PCCA: variants seen among roughly 807,000 people sequenced by gnomAD.
The protein encoded by PCCA is propionyl-CoA carboxylase alpha chain, mitochondrial.
Under a neutral mutation model 101.3 loss-of-function variants are expected in PCCA, and 74 were observed. The ratio of observed to expected loss-of-function variants is 0.73; its 90% confidence interval spans 0.61 to 0.89. The LOEUF (loss-of-function observed/expected upper bound fraction) is 0.89. Ranked by LOEUF, PCCA falls within the 40% of genes least tolerant of loss-of-function variation. PCCA has a pLI of 0.00. For missense variants in PCCA, 891 were observed against 907.0 expected, an observed-to-expected ratio of 0.98 and a Z score of 0.23; for synonymous variants, 294 against 313.6, an observed-to-expected ratio of 0.94 and a Z score of 0.66.
intron 23 of PCCA, among the ~76,000 whole-genome samples, chr13:100,528,168 T>C (rs2088017478): frequency 6.6e-6 from 1 of 152,214 alleles, no homozygotes; most frequent in South Asian, 2.1e-4. Flanking sequence ...AACAATTCAG[T>C]TGCAGATCAA....
chr13:100,360,360 A>G (rs913284353), intron 18 of PCCA, among the ~76,000 whole-genome samples: 3 of 152,122 alleles, frequency 2.0e-5, no homozygotes, highest in Non-Finnish European at 2.9e-5. Flanking sequence ...AGCTAATAGG[A>G]ACAAAGTTGC....
chr13:100,190,449 TG>T (rs1295028737), intron 6 of PCCA, among the ~76,000 whole-genome samples: 3 of 151,406 alleles, frequency 2.0e-5, no homozygotes, highest in Admixed American at 6.6e-5. Flanking sequence ...TTGGGAGGCC[TG>T]GGCAGGTGGA....
intron 6 of PCCA, among the ~76,000 whole-genome samples, chr13:100,175,230 G>C (rs965755626): frequency 3.9e-5 from 6 of 152,088 alleles, no homozygotes; most frequent in African/African-American, 1.4e-4. Context: ...TTTGTTGATC[G>C]AATTAATGAA....
At chr13:100,301,711 A>C in intron 13 of PCCA, 108 bp downstream of exon 13, 1 of 1,235,338 alleles carries the variant, frequency 8.1e-7, no homozygotes, top group South Asian at 1.2e-5. Flanking sequence ...GTTGCCAACT[A>C]TTGGATTACG....
intron 7 of PCCA, among the ~76,000 whole-genome samples, chr13:100,229,815 A>G (rs1448713395): frequency 1.3e-5 from 2 of 152,208 alleles, no homozygotes; most frequent in Non-Finnish European, 2.9e-5. Context: ...GAAAGTAAAC[A>G]TGGCCTTGCT....
chr13:100,438,699 A>G (rs1205441754), intron 20 of PCCA, among the ~76,000 whole-genome samples: 3 of 151,660 alleles, frequency 2.0e-5, no homozygotes, highest in South Asian at 2.1e-4. Flanking sequence ...TCTTGCAGCC[A>G]TCCGAGATCA....
At chr13:100,117,531 C>T (rs950857537) in intron 4 of PCCA, among the ~76,000 whole-genome samples, 1 of 149,614 alleles carries the variant, frequency 6.7e-6, no homozygotes, top group Non-Finnish European at 1.5e-5. Context: ...GGACAGAAAA[C>T]AAAACACTGC....
intron 19 of PCCA, among the ~76,000 whole-genome samples, chr13:100,390,821 T>A (rs1465900281): frequency 1.3e-5 from 2 of 152,166 alleles, no homozygotes; most frequent in African/African-American, 4.8e-5. Flanking sequence ...TGTGGTGAGT[T>A]CAGACATTGA....
At chr13:100,390,465 C>A (rs1407268377) in intron 19 of PCCA, among the ~76,000 whole-genome samples, 1 of 152,058 alleles carries the variant, frequency 6.6e-6, no homozygotes, top group Non-Finnish European at 1.5e-5. Context: ...GTATAAATGG[C>A]AGTTGAACAC....
intron 11 of PCCA, among the ~76,000 whole-genome samples, chr13:100,270,481 A>C (rs1305424501): frequency 6.6e-6 from 1 of 152,192 alleles, no homozygotes; most frequent in East Asian, 1.9e-4. Flanking sequence ...TGGGATAGAA[A>C]TCTTTCCCAG....
At chr13:100,210,070 A>G (rs1263075503) in intron 7 of PCCA, among the ~76,000 whole-genome samples, 1 of 152,022 alleles carries the variant, frequency 6.6e-6, no homozygotes, top group East Asian at 1.9e-4. Context: ...TCCTCTCGCC[A>G]TGACTCAAGA....
intron 8 of PCCA, 43 bp from the exon 9 acceptor site, chr13:100,257,552 T>A: frequency 7.5e-7 from 1 of 1,337,918 alleles, no homozygotes; most frequent in Non-Finnish European, 1.1e-6. Flanking sequence ...TACATCCCAA[T>A]GATCAAAGTC....
At position 100,322,710 on chromosome 13, in the gene PCCA, A is replaced by G. The variant is rs557805603; in HGVS notation, c.1430-7851A>G. On this transcript the variant is annotated intron_variant, in intron 16 of 23. Transcript: ENST00000376285. ...CTCAGCCTCCCAAGTACCTGGGACT[A>G]TAGGCACATGCCACCATTCCCAGCT... 2.0e-5 allele frequency among the ~76,000 whole-genome samples: 3 copies of G among 152,168 alleles called. No individual in the cohort carries two copies. In the East Asian group the frequency reaches 5.8e-4, roughly 29 times the overall value.
chr13:100,309,802 T>C (rs1214925676), intron 15 of PCCA, 31 bp from the exon 16 acceptor site: 2 of 1,348,390 alleles, frequency 1.5e-6, no homozygotes, highest in South Asian at 2.4e-5. Context: ...AATATATATA[T>C]ATATTGGGTT....
chr13:100,171,756 G>A (rs1345258831), intron 6 of PCCA, among the ~76,000 whole-genome samples: 1 of 151,878 alleles, frequency 6.6e-6, no homozygotes, highest in Non-Finnish European at 1.5e-5. Context: ...GGTGTGGCTG[G>A]GCGCGGTGGC....
chr13:100,290,153 C>T (rs746783662), intron 12 of PCCA, among the ~76,000 whole-genome samples: 1 of 152,114 alleles, frequency 6.6e-6, no homozygotes, highest in Non-Finnish European at 1.5e-5. Flanking sequence ...ATTTCTTTCC[C>T]ATTGTAGATA....
chr13:100,525,615 A>T (rs1209872395), intron 22 of PCCA, among the ~76,000 whole-genome samples: 2 of 152,240 alleles, frequency 1.3e-5, no homozygotes, highest in African/African-American at 4.8e-5. Flanking sequence ...TCACTTGAAG[A>T]TCCTGTAAAA....
At chr13:100,348,865 CCCTTT>C (rs2152772703) in intron 18 of PCCA, among the ~76,000 whole-genome samples, 1 of 96,978 alleles carries the variant, frequency 1.0e-5, no homozygotes, top group East Asian at 2.5e-4. Context: ...CTCCCTTCCT[CCCTTT>C]CCTTTCTTTC....
At chr13:100,225,792 CT>C (rs532050765) in intron 7 of PCCA, among the ~76,000 whole-genome samples, 3 of 149,888 alleles carry the variant, frequency 2.0e-5, no homozygotes, top group Non-Finnish European at 3.0e-5. Flanking sequence ...TTTTAGAAAG[CT>C]TTTTTTTTTC....
Sources: gnomAD v4.1 joint callset for allele counts (sites outside exome capture counted in the v4.1 genomes callset) on GRCh38, gnomAD v4.1.1 for gene constraint, MANE v1.5 for transcripts, NCBI Gene and HGNC (gene_info 2026-07-23, HGNC 2026-07-21) for gene names.